Variants in APBB1IP observed in about 807,000 individuals in gnomAD.
APBB1IP encodes amyloid beta A4 precursor protein-binding family B member 1-interacting protein.
A neutral mutation model predicts 64.9 loss-of-function variants in APBB1IP; 27 were observed. The observed-to-expected ratio is 0.42, with a 90% CI of 0.31 to 0.57. The LOEUF (loss-of-function observed/expected upper bound fraction) is 0.57. Ranked by LOEUF, APBB1IP falls within the 20% of genes least tolerant of loss-of-function variation. APBB1IP has a pLI of 0.20. For synonymous variants in APBB1IP, 392 were observed against 331.0 expected (o/e 1.18, Z -2.00); for missense variants, 812 against 845.5 (o/e 0.96, Z 0.49).
chr10:26,506,240 CGT>C (rs749032786), intron 6 of APBB1IP, among the ~76,000 whole-genome samples: 4,513 of 45,414 alleles, frequency 0.099, 301 homozygotes, highest in African/African-American at 0.31. Flanking sequence ...TTAACACTAC[CGT>C]GTGTGTGTGG....
intron 9 of APBB1IP, among the ~76,000 whole-genome samples, chr10:26,535,266 A>G (rs1355865646): frequency 6.6e-6 from 1 of 152,158 alleles, no homozygotes; most frequent in Non-Finnish European, 1.5e-5. Context: ...CTTTGAAAAG[A>G]AAACTATCCC....
chr10:26,534,905 G>T (rs1317724770), intron 9 of APBB1IP, among the ~76,000 whole-genome samples: 1 of 152,182 alleles, frequency 6.6e-6, no homozygotes, highest in African/African-American at 2.4e-5. Context: ...ATTATTAACA[G>T]GATGACTAAT....
intron 3 of APBB1IP, among the ~76,000 whole-genome samples, chr10:26,494,953 G>C (rs1245558650): frequency 6.6e-6 from 1 of 151,948 alleles, no homozygotes; most frequent in Non-Finnish European, 1.5e-5. Flanking sequence ...TAGAGGAAGG[G>C]GTGCTGGTTA....
rs56982662 is a variant in APBB1IP, at chr10:26,524,955, C to CTTTTTTTTTTTTTTTT, written c.814-8480_814-8465dup. Among the ~76,000 whole-genome samples, 25 of 73,950 alleles carry CTTTTTTTTTTTTTTTT rather than the reference C, an allele frequency of 3.4e-4. 1 individual carries two copies. Among genetic ancestry groups the CTTTTTTTTTTTTTTTT allele is most frequent in the East Asian group, 1.7e-3 (3 of 1,816 alleles). The allele number at this position is 73,950 out of a possible 152,430, so 48.5% of individuals were successfully genotyped here. A position where few individuals can be genotyped will look rare whatever the true frequency, so the allele number is the denominator to read the frequency against. ...TCTTTTTCTTTCTCTTTCTTTCTTT[C>CTTTTTTTTTTTTTTTT]TTTTTTTTTTTTTTTTTTTATAAAA... On this transcript the variant is annotated intron_variant, in intron 8 of 14. Coordinates refer to ENST00000376236, the MANE Select transcript of APBB1IP (RefSeq NM_019043.4).
Position 26,504,326 on chromosome 10 carries a change from G to A in APBB1IP, c.531+1052G>A, listed in dbSNP as rs564370117. ...GATCATGCATTTTTTCAGAGTATAG[G>A]TTTTTGAAGAACACATGTATTGTAT... On this transcript the variant is annotated intron_variant, in intron 6 of 14. Transcript: ENST00000376236. Among the ~76,000 whole-genome samples the A allele has an allele frequency of 2.1e-3, 323 of 152,284 alleles. 4 individuals are homozygous for A. Among genetic ancestry groups the A allele is most frequent in the African/African-American group, 6.4e-3 (268 of 41,562 alleles).
At chr10:26,478,614 C>CAA (rs35115510) in intron 2 of APBB1IP, among the ~76,000 whole-genome samples, 130 of 125,052 alleles carry the variant, frequency 1.0e-3, no homozygotes, top group East Asian at 3.0e-3. Context: ...GACTCCGTCT[C>CAA]AAAAAAAAAA....
At chr10:26,481,916 T>C (rs1422757806) in intron 2 of APBB1IP, among the ~76,000 whole-genome samples, 1 of 152,106 alleles carries the variant, frequency 6.6e-6, no homozygotes, top group Non-Finnish European at 1.5e-5. Flanking sequence ...CTTAGTATTT[T>C]TTTAAATTAC....
intron 10 of APBB1IP, 30 bp from the exon 11 acceptor site, chr10:26,541,552 T>A (rs1442971415): frequency 5.4e-6 from 8 of 1,476,910 alleles, no homozygotes; most frequent in Middle Eastern, 1.7e-4. Flanking sequence ...TCATCTCAGT[T>A]GAAGTTTTAT....
chr10:26,524,952 TTTC>T (rs1346929258), intron 8 of APBB1IP, among the ~76,000 whole-genome samples: 4 of 89,912 alleles, frequency 4.4e-5, no homozygotes, highest in East Asian at 3.3e-4. Context: ...TCTTTCTTTC[TTTC>T]TTTTTTTTTT....
chr10:26,460,518 C>G (rs187896566), intron 2 of APBB1IP, among the ~76,000 whole-genome samples: 1 of 152,220 alleles, frequency 6.6e-6, no homozygotes, highest in East Asian at 1.9e-4. Flanking sequence ...CACAATAGCA[C>G]TATTCACAAT....
intron 13 of APBB1IP, 108 bp downstream of exon 13, chr10:26,560,952 T>A: frequency 1.4e-6 from 1 of 717,458 alleles, no homozygotes; most frequent in Non-Finnish European, 2.1e-6. Context: ...GCATTCAGAA[T>A]ATGTTTCTCA....
chr10:26,455,538 A>G (rs10829004), intron 2 of APBB1IP, among the ~76,000 whole-genome samples: 15,974 of 151,830 alleles, frequency 0.11, 904 homozygotes, highest in South Asian at 0.16. Flanking sequence ...AATAATAATA[A>G]TAAGAAGAAA....
intron 2 of APBB1IP, among the ~76,000 whole-genome samples, chr10:26,449,960 C>A (rs7908121): frequency 6.6e-6 from 1 of 151,788 alleles, no homozygotes; most frequent in African/African-American, 2.4e-5. Flanking sequence ...GAGCCATGAT[C>A]GTGCCACTAT....
intron 8 of APBB1IP, among the ~76,000 whole-genome samples, chr10:26,514,804 A>G (rs1384629503): frequency 1.3e-5 from 2 of 152,154 alleles, no homozygotes; most frequent in Non-Finnish European, 2.9e-5. Context: ...CAACACAACA[A>G]TTAAATAGTA....
chr10:26,446,492 G>A (rs776886719), intron 2 of APBB1IP, among the ~76,000 whole-genome samples: 8 of 152,154 alleles, frequency 5.3e-5, no homozygotes, highest in Non-Finnish European at 1.0e-4. Context: ...AAAGATGGCC[G>A]GCCGTGAGAC....
intron 10 of APBB1IP, among the ~76,000 whole-genome samples, chr10:26,539,337 G>A (rs10829021): frequency 0.34 from 50,801 of 150,974 alleles, 9,128 homozygotes; most frequent in African/African-American, 0.46. Context: ...ATTTGAGCCC[G>A]GGAGGTCAAG....
chr10:26,513,402 GCAT>G lies in APBB1IP; in HGVS notation c.692-133_692-131del, dbSNP rs1444988929. On this transcript the variant is annotated intron_variant, in intron 7 of 14. Transcript: ENST00000376236. Reference sequence around the variant, plus strand: ...AACATAATAGAAATGTTACAGTGTGGCATCATGTGAGAATTATTAATAAGAATC... The same window carrying G: ...AACATAATAGAAATGTTACAGTGTGGCATGTGAGAATTATTAATAAGAATC... The G allele has an allele frequency of 7.0e-6, 6 of 858,142 alleles. No individual in the cohort carries two copies. In the African/African-American group the frequency reaches 8.7e-5, roughly 12 times the overall value. 53.2% of individuals were successfully genotyped at this position (858,142 alleles called of 1,614,324 possible).
At chr10:26,498,916 A>G (rs1421970115) in intron 4 of APBB1IP, among the ~76,000 whole-genome samples, 1 of 152,200 alleles carries the variant, frequency 6.6e-6, no homozygotes, top group Non-Finnish European at 1.5e-5. Context: ...TTAGATTAAG[A>G]ATAGATTTGT....
At chr10:26,524,779 A>G (rs779779137) in intron 8 of APBB1IP, among the ~76,000 whole-genome samples, 7 of 152,024 alleles carry the variant, frequency 4.6e-5, no homozygotes, top group African/African-American at 7.2e-5. Flanking sequence ...CTCTTATGTG[A>G]TACTATAACA....
Sources: allele counts gnomAD v4.1 joint callset (sites outside exome capture counted in the v4.1 genomes callset), GRCh38; gene constraint gnomAD v4.1.1; transcripts MANE v1.5; gene names NCBI Gene and HGNC (gene_info 2026-07-23, HGNC 2026-07-21).